Variants in HNRNPUL1 observed in about 807,000 individuals in gnomAD.
The protein encoded by HNRNPUL1 is heterogeneous nuclear ribonucleoprotein U-like protein 1.
A neutral mutation model predicts 108.5 loss-of-function variants in HNRNPUL1; 14 were observed. The ratio of observed to expected loss-of-function variants is 0.13; its 90% CI spans 0.09 to 0.20. The LOEUF is 0.20. Among genes scored for constraint, HNRNPUL1 ranks in the 10% least tolerant of loss-of-function variants. HNRNPUL1 has a pLI of 1.00. For synonymous variants in HNRNPUL1, 422 were observed against 445.2 expected (o/e 0.95, Z 0.66); for missense variants, 804 against 1,168.3 (o/e 0.69, Z 4.55).
intron 12 of HNRNPUL1, 45 bp from the exon 13 acceptor site, chr19:41,303,927 C>T: frequency 1.3e-6 from 2 of 1,571,346 alleles, no homozygotes; most frequent in African/African-American, 1.3e-5. Context: ...CTGGGGTTGC[C>T]ATTTGGGAAT....
At chr19:41,305,501 AC>A (rs1199596273) in intron 13 of HNRNPUL1, 174 bp from the exon 14 acceptor site, 2 of 771,434 alleles carry the variant, frequency 2.6e-6, no homozygotes, top group Non-Finnish European at 4.2e-6. Context: ...ATCCTGCCCT[AC>A]CATGGCATGG....
chr19:41,281,291 C>G lies in HNRNPUL1; in HGVS notation c.999+16C>G, dbSNP rs1478578640. The G allele has an allele frequency of 6.4e-7, 1 of 1,568,682 alleles. No homozygotes were observed. The highest frequency in any genetic ancestry group is 8.8e-7 in the Non-Finnish European group (1 of 1,139,102). ...CTGCTTTGCGGTGAGTGCTAGCAGC[C>G]TGTGGGAGTTGGCAGAACCAGATGT... On this transcript the variant is annotated intron_variant, in intron 7 of 14. Transcript: ENST00000392006.
intron 7 of HNRNPUL1, among the ~76,000 whole-genome samples, chr19:41,288,406 G>T (rs543201125): frequency 3.0e-4 from 45 of 151,884 alleles, no homozygotes; most frequent in Non-Finnish European, 2.4e-4. Context: ...CAGCATGCCC[G>T]GCTAATTTTG....
intron 4 of HNRNPUL1, 73 bp from the exon 5 acceptor site, chr19:41,276,086 A>G: frequency 6.3e-7 from 1 of 1,596,334 alleles, no homozygotes; most frequent in Non-Finnish European, 8.6e-7. Context: ...CTGGGCAAAA[A>G]GAGTGAAACT....
In HNRNPUL1 at chr19:41,264,376, T is replaced by A; in HGVS notation, c.-128T>A. The stretch of plus-strand genomic sequence containing the variant: ...GGGGAGGCGGTGGCGGCGGCCATTT[T>A]GAGCCGCTGCCGCCATTGGAGTGGG... On this transcript the variant is annotated 5_prime_UTR_variant, in exon 1 of 15. Coordinates refer to ENST00000392006, the MANE Select transcript of HNRNPUL1 (RefSeq NM_007040.6). The A allele has an allele frequency of 1.3e-6, 1 of 783,862 alleles. No individual in the cohort carries two copies. The highest frequency in any genetic ancestry group is 4.1e-5 in the Admixed American group (1 of 24,106). 48.6% of individuals were successfully genotyped at this position (783,862 alleles called of 1,614,324 possible). A position where few individuals can be genotyped will look rare whatever the true frequency, so the allele number is the denominator to read the frequency against.
At chr19:41,287,253 A>C (rs551503152) in intron 7 of HNRNPUL1, among the ~76,000 whole-genome samples, 1 of 152,140 alleles carries the variant, frequency 6.6e-6, no homozygotes, top group Non-Finnish European at 1.5e-5. Context: ...TGACTTCGTG[A>C]TCCGCCCACC....
At position 41,264,561 on chromosome 19, in the gene HNRNPUL1, C is replaced by A; in HGVS notation, c.58C>A (p.Leu20Met). 1 of 1,540,330 alleles carries A rather than the reference C, an allele frequency of 6.5e-7. No homozygotes were observed. The highest frequency in any genetic ancestry group is 1.2e-5 in the South Asian group (1 of 84,748). ...TCGCGAGGAGCTGCAGCGCCGCGGC[C>A]TGGACACTCGAGGCCTCAAGGCCGA... The part of the protein sequence containing the change: ...ELREELQRRG[L>M]DTRGLKAELA... Residue 20 changes from leucine (L) to methionine (M), a missense_variant, in exon 1 of 15, where the codon CTG (leucine) becomes ATG (methionine). Coordinates refer to ENST00000392006, the MANE Select transcript of HNRNPUL1 (RefSeq NM_007040.6).
rs563226267 is a variant in HNRNPUL1 at position 41,270,043 on chromosome 19, C to T, written c.418+1698C>T. ...TGTTCCCCAGGCTGGAGGGCGATGGCGCGATCTCAGCTCACTGCAACCTCC... is the reference window on the plus strand; with the variant it reads ...TGTTCCCCAGGCTGGAGGGCGATGGTGCGATCTCAGCTCACTGCAACCTCC... On this transcript the variant is annotated intron_variant, in intron 2 of 14. Transcript: ENST00000392006. Among the ~76,000 whole-genome samples, 9 of 151,954 alleles carry T rather than the reference C, an allele frequency of 5.9e-5. No individual in the cohort carries two copies. The East Asian group carries it at 1.2e-3, about 20-fold the overall frequency.
intron 5 of HNRNPUL1, among the ~76,000 whole-genome samples, chr19:41,277,922 A>G (rs1363618733): frequency 2.6e-5 from 4 of 151,386 alleles, no homozygotes; most frequent in African/African-American, 7.3e-5. Flanking sequence ...TCGGCAGTCT[A>G]GTCTTTTAAT....
At chr19:41,297,424 G>A (rs2036955895) in intron 10 of HNRNPUL1, among the ~76,000 whole-genome samples, 1 of 152,200 alleles carries the variant, frequency 6.6e-6, no homozygotes, top group Admixed American at 6.5e-5. Flanking sequence ...AAATTTGCCT[G>A]GCTAGTAAAA....
At chr19:41,282,137 C>G (rs967374075) in intron 7 of HNRNPUL1, among the ~76,000 whole-genome samples, 16 of 152,058 alleles carry the variant, frequency 1.1e-4, no homozygotes, top group Admixed American at 1.0e-3. Context: ...ATTCTTTTGC[C>G]TTCCTTCATA....
intron 7 of HNRNPUL1, among the ~76,000 whole-genome samples, chr19:41,284,953 G>A (rs936730598): frequency 9.1e-5 from 13 of 143,468 alleles, no homozygotes; most frequent in Non-Finnish European, 1.6e-4. Context: ...CCACGATTGC[G>A]CCACTGTACT....
rs74557826 is a variant in HNRNPUL1 at position 41,295,068 on chromosome 19, A to G, written c.1518+382A>G. Among the ~76,000 whole-genome samples the G allele has an allele frequency of 6.3e-3, 967 of 152,320 alleles. 9 individuals are homozygous for G. The highest frequency in any genetic ancestry group is 0.022 in the African/African-American group (914 of 41,576). On this transcript the variant is annotated intron_variant, in intron 10 of 14. Coordinates refer to ENST00000392006, the MANE Select transcript of HNRNPUL1 (RefSeq NM_007040.6). ...GAATCTCCATCTCTTGGTTTGTAAA[A>G]CAGGGATCTCAATACCATCTGCACC...
intron 7 of HNRNPUL1, 74 bp downstream of exon 7, chr19:41,281,349 A>G (rs2035888674): frequency 3.2e-6 from 3 of 937,120 alleles, no homozygotes; most frequent in African/African-American, 3.3e-5. Context: ...GGATACCTCT[A>G]TCCATTGTCT....
At chr19:41,291,994 CA>C (rs397965810) in intron 7 of HNRNPUL1, 2,682 of 243,830 alleles carry the variant, frequency 0.011, no homozygotes, top group South Asian at 0.015. Flanking sequence ...AAAAAAAAAA[CA>C]AAAAAAAAAA....
chr19:41,273,076 CAT>C (rs2122522899), intron 3 of HNRNPUL1, among the ~76,000 whole-genome samples: 1 of 152,352 alleles, frequency 6.6e-6, no homozygotes, highest in African/African-American at 2.4e-5. Context: ...GATCCCACCT[CAT>C]ATGGGGTTCT....
intron 1 of HNRNPUL1, 121 bp downstream of exon 1, chr19:41,264,919 A>T: frequency 7.6e-7 from 1 of 1,320,596 alleles, no homozygotes; most frequent in Non-Finnish European, 9.6e-7. Context: ...GGATCCCGCT[A>T]CCCGCCGCCG....
chr19:41,277,495 T>C (rs1374027966), intron 5 of HNRNPUL1, among the ~76,000 whole-genome samples: 1 of 152,232 alleles, frequency 6.6e-6, no homozygotes, highest in African/African-American at 2.4e-5. Flanking sequence ...CAGTGTTTTC[T>C]TTTTTTGTTT....
At chr19:41,273,518 T>G (rs1477753225) in intron 3 of HNRNPUL1, among the ~76,000 whole-genome samples, 3 of 152,242 alleles carry the variant, frequency 2.0e-5, no homozygotes, top group East Asian at 3.8e-4. Flanking sequence ...CTCAAATTCT[T>G]ACAGATGTAG....
Sources: allele counts gnomAD v4.1 joint callset (sites outside exome capture counted in the v4.1 genomes callset), GRCh38; gene constraint gnomAD v4.1.1; transcripts MANE v1.5; gene names NCBI Gene and HGNC (gene_info 2026-07-23, HGNC 2026-07-21).